The following MCC variants were observed in gnomAD, a reference collection of about 807,000 sequenced individuals.
MCC encodes the protein MCC regulator of Wnt signaling pathway.
Under a neutral mutation model 116.2 loss-of-function variants are expected in MCC, and 90 were observed. The observed-to-expected ratio is 0.77, with a 90% confidence interval of 0.65 to 0.92. The LOEUF (loss-of-function observed/expected upper bound fraction) is 0.92, where lower values mean the gene tolerates loss of function less well. Among genes scored for constraint, MCC ranks in the 40% least tolerant of loss-of-function variants. The pLI is 0.00. For synonymous variants in MCC, 578 were observed against 510.5 expected (o/e 1.13, Z -1.78); for missense variants, 1,516 against 1,312.2 (o/e 1.16, Z -2.40).
intron 2 of MCC, among the ~76,000 whole-genome samples, chr5:113,341,769 C>T (rs1356196707): frequency 6.6e-6 from 1 of 152,148 alleles, no homozygotes; most frequent in Non-Finnish European, 1.5e-5. Context: ...TCATCACTTG[C>T]AGAAGAGGTG....
At chr5:113,146,120 T>TAA (rs67589184) in intron 4 of MCC, among the ~76,000 whole-genome samples, 1 of 151,652 alleles carries the variant, frequency 6.6e-6, no homozygotes, top group Admixed American at 6.6e-5. Context: ...CCGTAAGTTT[T>TAA]AAAAAAATAG....
intron 2 of MCC, among the ~76,000 whole-genome samples, chr5:113,360,713 C>A (rs1418556749): frequency 6.6e-6 from 1 of 152,182 alleles, no homozygotes; most frequent in Non-Finnish European, 1.5e-5. Flanking sequence ...CAAATATTGA[C>A]AGAAATCTGT....
intron 2 of MCC, among the ~76,000 whole-genome samples, chr5:113,367,383 T>A (rs989984355): frequency 3.9e-5 from 6 of 151,952 alleles, no homozygotes; most frequent in Non-Finnish European, 7.4e-5. Context: ...TAATTTAAGA[T>A]GTACATATAT....
At chr5:113,488,211 G>C (rs774620253) in intron 1 of MCC, 34 bp downstream of exon 1, 7 of 1,578,204 alleles carry the variant, frequency 4.4e-6, no homozygotes, top group Non-Finnish European at 6.0e-6. Context: ...GACTGATCTC[G>C]CTCCTGTCGG....
intron 3 of MCC, among the ~76,000 whole-genome samples, chr5:113,297,366 A>T (rs2150363574): frequency 6.6e-6 from 1 of 152,160 alleles, no homozygotes; most frequent in Non-Finnish European, 1.5e-5. Context: ...AGAGTTTGAG[A>T]CCAGGCTGGC....
At chr5:113,071,495 G>C (rs1229099679) in intron 11 of MCC, among the ~76,000 whole-genome samples, 1 of 152,156 alleles carries the variant, frequency 6.6e-6, no homozygotes, top group Non-Finnish European at 1.5e-5. Flanking sequence ...TCTATCATGA[G>C]CAGGGCACAG....
rs151074750 is a variant in MCC at position 113,082,925 on chromosome 5, T to C, written c.1719A>G (p.Ser573=). 4.3e-6 allele frequency: 7 copies of C among 1,614,046 alleles called. No individual in the cohort carries two copies. In the African/African-American group the frequency reaches 9.3e-5, roughly 22 times the overall value. The part of the protein sequence containing the change: ...NIQEIFQTLY[S]HGSAISESKI... ...TGCTTTCTGAGATGGCAGATCCGTG[T>C]GAGTAGAGTGTTTGGAAAATCTCTT... Residue 573 remains serine, a synonymous_variant, in exon 11 of 19, where the codon TCA becomes TCG. Transcript: ENST00000408903.
intron 3 of MCC, among the ~76,000 whole-genome samples, chr5:113,251,085 C>T (rs1431606756): frequency 6.6e-6 from 1 of 152,218 alleles, no homozygotes; most frequent in East Asian, 1.9e-4. Flanking sequence ...TTTGGCCTCA[C>T]TTTTCCACAC....
intron 3 of MCC, among the ~76,000 whole-genome samples, chr5:113,259,829 G>A (rs1323912867): frequency 6.6e-6 from 1 of 152,010 alleles, no homozygotes; most frequent in South Asian, 2.1e-4. Flanking sequence ...GCATAAATGG[G>A]TTAATTTTCA....
chr5:113,158,097 C>T (rs971576114), intron 3 of MCC, among the ~76,000 whole-genome samples: 1 of 152,206 alleles, frequency 6.6e-6, no homozygotes, highest in African/African-American at 2.4e-5. Flanking sequence ...CATCAGCCTA[C>T]TCAAAACAGC....
intron 2 of MCC, among the ~76,000 whole-genome samples, chr5:113,380,270 C>A (rs1023824828): frequency 6.6e-6 from 1 of 152,190 alleles, no homozygotes; most frequent in African/African-American, 2.4e-5. Flanking sequence ...TCACAGGTAA[C>A]CATTTCCTGA....
At chr5:113,028,026 T>C (rs1008435701) in intron 18 of MCC, among the ~76,000 whole-genome samples, 2 of 152,184 alleles carry the variant, frequency 1.3e-5, no homozygotes, top group East Asian at 3.9e-4. Flanking sequence ...ATACAGGCCT[T>C]TGAACTGTTC....
intron 5 of MCC, among the ~76,000 whole-genome samples, chr5:113,130,989 A>G (rs1448380700): frequency 2.0e-5 from 3 of 152,134 alleles, no homozygotes; most frequent in Non-Finnish European, 4.4e-5. Context: ...ATACCATCAC[A>G]ATAGGGGCTA....
At position 113,352,215 on chromosome 5, in the gene MCC, C is replaced by A. The variant is rs544109114; in HGVS notation, c.416-11485G>T. On this transcript the variant is annotated intron_variant, in intron 2 of 18. Coordinates refer to ENST00000408903, the MANE Select transcript of MCC (RefSeq NM_001085377.2). ...AAAACCAACATTCATGAGACAAAAA[C>A]TAGTCATTTAATTGTGATGATGTCA... Among the ~76,000 whole-genome samples, 8 of 152,210 alleles carry A rather than the reference C, an allele frequency of 5.3e-5. No homozygotes were observed. In the East Asian group the frequency reaches 1.5e-3, roughly 29 times the overall value.
intron 11 of MCC, among the ~76,000 whole-genome samples, chr5:113,079,007 C>A (rs1017653863): frequency 1.3e-5 from 2 of 152,158 alleles, no homozygotes; most frequent in Non-Finnish European, 2.9e-5. Context: ...CATTCCTGTA[C>A]ACCAATAACA....
Position 113,294,270 on chromosome 5 carries a change from G to A in MCC, c.627+46249C>T, listed in dbSNP as rs1479358624. The A allele has an allele frequency of 7.6e-5, 122 of 1,611,162 alleles. 1 individual carries two copies. Among genetic ancestry groups the A allele is most frequent in the Non-Finnish European group, 9.9e-5 (117 of 1,178,414 alleles). On this transcript the variant is annotated intron_variant, in intron 3 of 18. Transcript: ENST00000408903. Reference sequence around the variant, plus strand: ...GCTGTGGGGAGGTCGAGGGGAGGGGGATTTGTGGAAAAGCAAACGCCCGAG... The same window carrying A: ...GCTGTGGGGAGGTCGAGGGGAGGGGAATTTGTGGAAAAGCAAACGCCCGAG...
At chr5:113,078,836 G>C (rs982653021) in intron 11 of MCC, among the ~76,000 whole-genome samples, 3 of 152,266 alleles carry the variant, frequency 2.0e-5, no homozygotes, top group Admixed American at 6.5e-5. Context: ...AAGAAATAAA[G>C]GGTATTCAAT....
At chr5:113,274,970 G>T (rs1348885461) in intron 3 of MCC, among the ~76,000 whole-genome samples, 1 of 152,120 alleles carries the variant, frequency 6.6e-6, no homozygotes, top group East Asian at 1.9e-4. Flanking sequence ...TCCCAGCTTG[G>T]CTTTCAGCAT....
At chr5:113,261,589 A>C (rs1441600030) in intron 3 of MCC, among the ~76,000 whole-genome samples, 1 of 152,198 alleles carries the variant, frequency 6.6e-6, no homozygotes, top group Non-Finnish European at 1.5e-5. Context: ...TAAATACCAA[A>C]TATTAACAGT....
Sources: allele counts gnomAD v4.1 joint callset (sites outside exome capture counted in the v4.1 genomes callset), GRCh38; gene constraint gnomAD v4.1.1; transcripts MANE v1.5; gene names NCBI Gene and HGNC (gene_info 2026-07-23, HGNC 2026-07-21).